The following MEI4 variants were observed in gnomAD, a reference collection of about 807,000 sequenced individuals.
MEI4 encodes meiosis-specific protein MEI4.
A neutral mutation model predicts 31.4 loss-of-function variants in MEI4; 27 were observed. That is an observed-to-expected ratio of 0.86 (90% CI 0.63 to 1.19). The LOEUF is 1.19. MEI4 is among the 50% of genes most tolerant of loss of function. MEI4 has a pLI of 0.00. For missense variants in MEI4, 329 were observed against 398.9 expected, an observed-to-expected ratio of 0.82 and a Z score of 1.49; for synonymous variants, 122 against 145.4, an observed-to-expected ratio of 0.84 and a Z score of 1.16.
rs889975458 is a variant in MEI4, at chr6:77,760,911, G to A, written c.233-219G>A. On this transcript the variant is annotated intron_variant, in intron 2 of 4. Transcript: ENST00000684080. The stretch of plus-strand genomic sequence containing the variant: ...TAATGACCTGAAAACACATGAATGA[G>A]TCACCTTTCTACCCATGAAGATAAA... 4.6e-5 allele frequency among the ~76,000 whole-genome samples: 7 copies of A among 152,242 alleles called. No homozygotes were observed. In the South Asian group the frequency reaches 1.5e-3, roughly 32 times the overall value.
intron 4 of MEI4, among the ~76,000 whole-genome samples, chr6:77,882,996 A>G (rs534663648): frequency 3.3e-5 from 5 of 152,292 alleles, no homozygotes; most frequent in African/African-American, 1.2e-4. Context: ...TGAACTTACT[A>G]TGGACATTTT....
intron 4 of MEI4, among the ~76,000 whole-genome samples, chr6:77,911,732 T>C (rs529883203): frequency 6.8e-6 from 1 of 146,636 alleles, no homozygotes; most frequent in African/African-American, 2.5e-5. Flanking sequence ...TTTATATATA[T>C]AATATATATA....
chr6:77,888,334 C>CTT (rs59851856), intron 4 of MEI4, among the ~76,000 whole-genome samples: 81 of 142,804 alleles, frequency 5.7e-4, no homozygotes, highest in South Asian at 2.0e-3. Flanking sequence ...TATCCTTTTT[C>CTT]TTTTTTTTTT....
At chr6:77,743,817 C>T (rs887753063) in intron 2 of MEI4, among the ~76,000 whole-genome samples, 1 of 152,188 alleles carries the variant, frequency 6.6e-6, no homozygotes, top group East Asian at 1.9e-4. Flanking sequence ...TCACAAAAAT[C>T]TGCTGTTATG....
intron 4 of MEI4, among the ~76,000 whole-genome samples, chr6:77,866,875 A>T (rs1582233622): frequency 6.6e-6 from 1 of 152,320 alleles, no homozygotes; most frequent in South Asian, 2.1e-4. Flanking sequence ...CAAAACAGAG[A>T]TATAGACCAA....
chr6:77,917,035 C>T (rs1766575315), intron 4 of MEI4, among the ~76,000 whole-genome samples: 1 of 147,528 alleles, frequency 6.8e-6, no homozygotes, highest in Non-Finnish European at 1.5e-5. Flanking sequence ...GTTTTTTGTT[C>T]TTGCGATAGT....
At chr6:77,855,618 G>T (rs1187795147) in intron 4 of MEI4, among the ~76,000 whole-genome samples, 1 of 152,102 alleles carries the variant, frequency 6.6e-6, no homozygotes, top group Non-Finnish European at 1.5e-5. Context: ...CTATTGAAAA[G>T]GTGATTCCAG....
At chr6:77,772,061 A>G (rs1226151620) in intron 3 of MEI4, among the ~76,000 whole-genome samples, 1 of 151,988 alleles carries the variant, frequency 6.6e-6, no homozygotes, top group East Asian at 1.9e-4. Flanking sequence ...AAGATAATTA[A>G]TGGTGAAATT....
chr6:77,793,465 A>C (rs1768993402), intron 3 of MEI4, among the ~76,000 whole-genome samples: 1 of 152,218 alleles, frequency 6.6e-6, no homozygotes, highest in Non-Finnish European at 1.5e-5. Context: ...AACTCACTGG[A>C]AAAGGTAAAT....
intron 3 of MEI4, among the ~76,000 whole-genome samples, chr6:77,798,325 ATACT>A (rs1319453539): frequency 2.0e-5 from 3 of 151,496 alleles, no homozygotes; most frequent in Non-Finnish European, 4.4e-5. Flanking sequence ...AAACAATTAA[ATACT>A]TATCAAATAT....
chr6:77,848,732 C>T (rs1052787238), intron 4 of MEI4, among the ~76,000 whole-genome samples: 2 of 152,140 alleles, frequency 1.3e-5, no homozygotes, highest in Admixed American at 6.6e-5. Flanking sequence ...GTCAAGGAGA[C>T]AAAAGGTAGT....
rs920203993 is a variant in MEI4, at chr6:77,820,481, G to T, written c.769-8450G>T. The stretch of plus-strand genomic sequence containing the variant: ...GGGTTTCACCGTGTTGCCCAGGCTG[G>T]TCTGGAACCCCTGACCTCAGGCAAT... On this transcript the variant is annotated intron_variant, in intron 3 of 4. Transcript: ENST00000684080. This position sits in a 1 kb window ranked among gnomAD's most constrained non-coding sequence, Gnocchi z 4.5. Among the ~76,000 whole-genome samples the T allele has an allele frequency of 1.3e-5, 2 of 152,174 alleles. No individual in the cohort carries two copies. Among genetic ancestry groups the T allele is most frequent in the African/African-American group, 4.8e-5 (2 of 41,452 alleles).
chr6:77,799,810 G>T (rs1374784451), intron 3 of MEI4, among the ~76,000 whole-genome samples: 1 of 152,114 alleles, frequency 6.6e-6, no homozygotes, highest in African/African-American at 2.4e-5. Context: ...TTGTAGATAT[G>T]CAGTGTTATT....
intron 1 of MEI4, among the ~76,000 whole-genome samples, chr6:77,668,240 G>A (rs561393079): frequency 1.3e-5 from 2 of 152,250 alleles, no homozygotes; most frequent in East Asian, 3.9e-4. Context: ...AGAGCATGAA[G>A]GTTTGCTTTA....
Position 77,710,358 on chromosome 6 carries a change from C to T in MEI4, c.232+19455C>T, listed in dbSNP as rs1348248611. On this transcript the variant is annotated intron_variant, in intron 2 of 4. Coordinates refer to ENST00000684080, the MANE Select transcript of MEI4 (RefSeq NM_001322247.2). ...CCAACGTGGTGAAACCCCGTCTCTA[C>T]TAAGAATACAAAAATTAGCTGGGTG... Among the ~76,000 whole-genome samples the T allele has an allele frequency of 3.3e-5, 5 of 151,744 alleles. No homozygotes were observed. The East Asian group carries it at 5.8e-4, about 18-fold the overall frequency.
intron 2 of MEI4, among the ~76,000 whole-genome samples, chr6:77,695,573 T>C (rs1766009153): frequency 6.6e-6 from 1 of 152,232 alleles, no homozygotes; most frequent in African/African-American, 2.4e-5. Context: ...CAGATAGTTG[T>C]AGATATGTGG....
chr6:77,773,930 C>G (rs1768376758), intron 3 of MEI4, among the ~76,000 whole-genome samples: 1 of 151,996 alleles, frequency 6.6e-6, no homozygotes, highest in Non-Finnish European at 1.5e-5. Flanking sequence ...TGTCATTGAT[C>G]ATCAGGAAAA....
Position 77,804,987 on chromosome 6 carries a change from A to G in MEI4, c.769-23944A>G, listed in dbSNP as rs901329245. ...ATCTGTACTTTTGGCATCGTTTGGC[A>G]TATGCCATTTTAACTATAAAACATT... On this transcript the variant is annotated intron_variant, in intron 3 of 4. Coordinates refer to ENST00000684080, the MANE Select transcript of MEI4 (RefSeq NM_001322247.2). 3.9e-5 allele frequency among the ~76,000 whole-genome samples: 6 copies of G among 152,204 alleles called. No homozygotes were observed. The East Asian group carries it at 7.7e-4, about 20-fold the overall frequency.
At chr6:77,867,546 T>A (rs1246553649) in intron 4 of MEI4, among the ~76,000 whole-genome samples, 1 of 152,120 alleles carries the variant, frequency 6.6e-6, no homozygotes, top group African/African-American at 2.4e-5. Flanking sequence ...AGAATGGCAA[T>A]CATTAAGAAG....
Sources: allele counts gnomAD v4.1 joint callset (sites outside exome capture counted in the v4.1 genomes callset), GRCh38; gene constraint gnomAD v4.1.1; non-coding constraint Gnocchi (gnomAD v3.1); transcripts MANE v1.5; gene names NCBI Gene and HGNC (gene_info 2026-07-23, HGNC 2026-07-21).